Variants in CTNNA2 observed in about 807,000 individuals in gnomAD.
CTNNA2 encodes catenin alpha-2.
Under a neutral mutation model 101.0 loss-of-function variants are expected in CTNNA2, and 42 were observed. That is an observed-to-expected ratio of 0.42 (90% CI 0.32 to 0.54). The LOEUF (loss-of-function observed/expected upper bound fraction) is 0.54, where lower values mean the gene tolerates loss of function less well. CTNNA2 is among the 20% of genes least tolerant of loss of function. The probability of loss-of-function intolerance (pLI) is 0.14; values close to 1 mark genes in which losing one functional copy is unlikely to be tolerated. For synonymous variants in CTNNA2, 450 were observed against 456.4 expected, an observed-to-expected ratio of 0.99 and a Z score of 0.18; for missense variants, 871 against 1,223.1, an observed-to-expected ratio of 0.71 and a Z score of 4.29.
chr2:80,000,497 T>TA (rs1306746918), intron 7 of CTNNA2, among the ~76,000 whole-genome samples: 1 of 152,144 alleles, frequency 6.6e-6, no homozygotes, highest in Non-Finnish European at 1.5e-5. Context: ...GACAGCATTT[T>TA]AAAAAACTCT....
intron 7 of CTNNA2, chr2:80,030,608 T>A (rs1695226251): frequency 6.6e-6 from 1 of 151,992 alleles, no homozygotes; most frequent in Non-Finnish European, 1.5e-5. Context: ...TTATATTTGG[T>A]CCCCATAATT....
chr2:79,669,046 G>A (rs573529298), intron 2 of CTNNA2, among the ~76,000 whole-genome samples: 218 of 152,242 alleles, frequency 1.4e-3, no homozygotes, highest in Non-Finnish European at 2.5e-3. Context: ...TGGAGATCTT[G>A]CAGGGTAAAC....
intron 7 of CTNNA2, among the ~76,000 whole-genome samples, chr2:80,251,462 G>C (rs1277841999): frequency 6.6e-6 from 1 of 152,092 alleles, no homozygotes; most frequent in Non-Finnish European, 1.5e-5. Flanking sequence ...CATACGAAGA[G>C]GGGGACCTGA....
intron 7 of CTNNA2, among the ~76,000 whole-genome samples, chr2:79,966,162 T>C (rs1454489748): frequency 6.6e-6 from 1 of 152,122 alleles, no homozygotes; most frequent in Non-Finnish European, 1.5e-5. Flanking sequence ...CTCTATTAGA[T>C]AAGGTATTTA....
At chr2:80,214,035 AC>A (rs755145019) in intron 7 of CTNNA2, among the ~76,000 whole-genome samples, 42 of 151,792 alleles carry the variant, frequency 2.8e-4, no homozygotes, top group African/African-American at 9.7e-5. Flanking sequence ...TAGGATTGCA[AC>A]CCCTGCTTGT....
intron 7 of CTNNA2, among the ~76,000 whole-genome samples, chr2:80,087,206 GGT>G (rs113339949): frequency 2.4e-4 from 37 of 151,966 alleles, no homozygotes; most frequent in African/African-American, 8.7e-4. Flanking sequence ...ACACCTTCAG[GGT>G]GTAGACAGTT....
At chr2:79,839,223 C>T (rs1394331431) in intron 3 of CTNNA2, among the ~76,000 whole-genome samples, 1 of 151,832 alleles carries the variant, frequency 6.6e-6, no homozygotes, top group Non-Finnish European at 1.5e-5. Context: ...TATTTTTATT[C>T]ATTATGTTGA....
intron 7 of CTNNA2, among the ~76,000 whole-genome samples, chr2:80,273,072 G>A (rs1383170359): frequency 6.6e-6 from 1 of 152,140 alleles, no homozygotes; most frequent in African/African-American, 2.4e-5. Flanking sequence ...TTTGTTCCCT[G>A]TACTCACACG....
chr2:79,515,125 C>G (rs910082827), intron 1 of CTNNA2, among the ~76,000 whole-genome samples: 22 of 152,120 alleles, frequency 1.4e-4, no homozygotes, highest in Admixed American at 3.9e-4. Context: ...CCATTAATGG[C>G]TTGGCTGACT....
chr2:80,572,653 G>A (rs1322566173), intron 12 of CTNNA2: 4 of 152,072 alleles, frequency 2.6e-5, no homozygotes, highest in African/African-American at 4.8e-5. Context: ...TTCCCAACAC[G>A]AATAACTCAA....
chr2:79,830,825 T>G (rs1190097896), intron 3 of CTNNA2, among the ~76,000 whole-genome samples: 1 of 152,216 alleles, frequency 6.6e-6, no homozygotes, highest in Non-Finnish European at 1.5e-5. Context: ...TAGCATATAC[T>G]GACACTTCTC....
At chr2:79,939,267 G>A (rs1393475260) in intron 7 of CTNNA2, among the ~76,000 whole-genome samples, 1 of 152,174 alleles carries the variant, frequency 6.6e-6, no homozygotes, top group South Asian at 2.1e-4. Flanking sequence ...GAAGTAGCTT[G>A]TAGCATCTGA....
intron 9 of CTNNA2, among the ~76,000 whole-genome samples, chr2:80,470,064 G>C (rs920747745): frequency 3.3e-5 from 5 of 152,104 alleles, no homozygotes; most frequent in Admixed American, 2.0e-4. Flanking sequence ...TTACCCGTGC[G>C]GGGGAGAGAA....
chr2:79,999,137 T>C (rs768040481), intron 7 of CTNNA2, among the ~76,000 whole-genome samples: 8 of 152,004 alleles, frequency 5.3e-5, no homozygotes, highest in Non-Finnish European at 8.8e-5. Context: ...GTTTTAGAGA[T>C]TGAGATCTGG....
intron 11 of CTNNA2, 119 bp from the exon 12 acceptor site, chr2:80,555,574 T>G (rs1285571582): frequency 6.1e-6 from 3 of 493,850 alleles, no homozygotes; most frequent in South Asian, 5.3e-5. Context: ...AATTTTAGTA[T>G]TATTAGGCAT....
intron 7 of CTNNA2, among the ~76,000 whole-genome samples, chr2:80,197,528 A>G (rs1334521265): frequency 6.6e-6 from 1 of 152,190 alleles, no homozygotes; most frequent in Non-Finnish European, 1.5e-5. Flanking sequence ...GATTTGTGCC[A>G]AGTCATAAAA....
At position 79,305,177 on chromosome 2, in the gene CTNNA2, TATTTA is replaced by T. The variant is rs1191030893; in HGVS notation, c.-405-7528_-405-7524del. Among the ~76,000 whole-genome samples the T allele has an allele frequency of 6.6e-5, 10 of 151,958 alleles. No homozygotes were observed. The East Asian group carries it at 1.9e-3, about 29-fold the overall frequency. On this transcript the variant is annotated intron_variant, in intron 2 of 21. Transcript: ENST00000466387. ...AAGTGATTATAAAACAAAACTTGAA[TATTTA>T]ATTGGGAAAAAAGTTTAAAAATTGT...
At chr2:79,407,154 C>G (rs1678349754) in intron 4 of CTNNA2, among the ~76,000 whole-genome samples, 1 of 152,038 alleles carries the variant, frequency 6.6e-6, no homozygotes. Flanking sequence ...TAGTAGGAAC[C>G]ATATTGCAAA....
At position 80,643,873 on chromosome 2, in the gene CTNNA2, G is replaced by C. The variant is rs541796009; in HGVS notation, c.2575-3712G>C. ...CTGGGCAGCAACATACCTGAGGCCA[G>C]AGGCTATAGTCAGCAAGGATTTGGG... is the stretch of plus-strand genomic sequence containing the variant. On this transcript the variant is annotated intron_variant, in intron 18 of 18. Coordinates refer to ENST00000402739, the MANE Select transcript of CTNNA2 (RefSeq NM_001282597.3). Among the ~76,000 whole-genome samples the C allele has an allele frequency of 5.9e-5, 9 of 152,310 alleles. No individual in the cohort carries two copies. The East Asian group carries it at 1.4e-3, about 23-fold the overall frequency.
Sources: allele counts gnomAD v4.1 joint callset (sites outside exome capture counted in the v4.1 genomes callset), GRCh38; gene constraint gnomAD v4.1.1; transcripts MANE v1.5; gene names NCBI Gene and HGNC (gene_info 2026-07-23, HGNC 2026-07-21).